PTPN22: variants seen among roughly 807,000 people sequenced by gnomAD.
The protein encoded by PTPN22 is tyrosine-protein phosphatase non-receptor type 22.
A neutral mutation model predicts 103.3 loss-of-function variants in PTPN22; 85 were observed. The ratio of observed to expected loss-of-function variants is 0.82; its 90% CI spans 0.69 to 0.99. The LOEUF (loss-of-function observed/expected upper bound fraction) is 0.99. PTPN22 is among the 50% of genes least tolerant of loss of function. The pLI is 0.00. For missense variants in PTPN22, 865 were observed against 936.9 expected (o/e 0.92, Z 1.00); for synonymous variants, 323 against 310.2 (o/e 1.04, Z -0.43).
intron 18 of PTPN22, among the ~76,000 whole-genome samples, chr1:113,828,804 T>G (rs963439553): frequency 2.0e-5 from 3 of 151,922 alleles, no homozygotes; most frequent in Admixed American, 6.6e-5. Context: ...CCCGGCTAAT[T>G]TTTTGTATTT....
intron 16 of PTPN22, 65 bp from the exon 17 acceptor site, chr1:113,830,094 C>T: frequency 9.0e-7 from 1 of 1,114,054 alleles, no homozygotes; most frequent in Middle Eastern, 2.0e-4. Context: ...AGTCAACACC[C>T]TTTTCTCTTT....
intron 11 of PTPN22, among the ~76,000 whole-genome samples, chr1:113,840,069 G>C (rs370193066): frequency 2.7e-4 from 41 of 151,872 alleles, no homozygotes; most frequent in Admixed American, 1.6e-3. Flanking sequence ...AAAATTAGCC[G>C]GGCATGTGGT....
chr1:113,824,378 G>T (rs1477871812), intron 19 of PTPN22, among the ~76,000 whole-genome samples: 1 of 151,978 alleles, frequency 6.6e-6, no homozygotes, highest in Non-Finnish European at 1.5e-5. Flanking sequence ...GGGATTATAG[G>T]CATGAGCCAC....
At chr1:113,826,659 ATTTTTTTTTTTTTT>A (rs10563752) in intron 18 of PTPN22, among the ~76,000 whole-genome samples, 4 of 63,098 alleles carry the variant, frequency 6.3e-5, no homozygotes, top group African/African-American at 2.7e-4. Context: ...GGAGTCTCTA[ATTTTTTTTTTTTTT>A]TTTTTTTTTT....
chr1:113,862,809 CAGA>C (rs1406447671), intron 1 of PTPN22, among the ~76,000 whole-genome samples: 3 of 152,124 alleles, frequency 2.0e-5, no homozygotes, highest in African/African-American at 2.4e-5. Context: ...TCCATCAGGA[CAGA>C]AGAAGTACAA....
intron 10 of PTPN22, 49 bp from the exon 11 acceptor site, chr1:113,848,675 T>C (rs753445476): frequency 6.4e-7 from 1 of 1,563,194 alleles, no homozygotes; most frequent in Non-Finnish European, 8.7e-7. Context: ...ACAAAAAAAT[T>C]GGTGAACGAC....
At chr1:113,814,647 G>A (rs1013182690) in exon 21 of PTPN22, 11 of 346,394 alleles carry the variant, frequency 3.2e-5, no homozygotes, top group African/African-American at 2.1e-4. Context: ...CATTCTAAAA[G>A]TGTTTCTCAT....
At chr1:113,829,690 T>G in exon 18 of PTPN22, 1 of 1,592,250 alleles carries the variant, frequency 6.3e-7, no homozygotes, top group Non-Finnish European at 8.5e-7. Context: ...TATGTTTCTA[T>G]AGATTGGGCC....
intron 1 of PTPN22, 62 bp downstream of exon 1, chr1:113,871,475 A>AC: frequency 7.3e-7 from 1 of 1,367,576 alleles, no homozygotes. Flanking sequence ...GGAAAATTGG[A>AC]CCCCCATAGT....
intron 7 of PTPN22, among the ~76,000 whole-genome samples, chr1:113,856,137 C>T (rs545473367): frequency 1.1e-4 from 16 of 152,300 alleles, no homozygotes; most frequent in African/African-American, 3.8e-4. Flanking sequence ...GCCTAAGCCT[C>T]TTGACTAGCT....
intron 16 of PTPN22, 50 bp downstream of exon 16, chr1:113,833,061 T>G (rs749982126): frequency 1.8e-5 from 27 of 1,506,196 alleles, no homozygotes; most frequent in Admixed American, 7.1e-5. Context: ...AACGAACCAT[T>G]CTTCCAATCT....
intron 11 of PTPN22, among the ~76,000 whole-genome samples, chr1:113,840,362 T>C (rs1383020155): frequency 6.6e-6 from 1 of 151,808 alleles, no homozygotes; most frequent in African/African-American, 2.4e-5. Context: ...AATGAACACA[T>C]AAAACGAGTT....
chr1:113,823,084 T>C (rs1189346128), intron 19 of PTPN22: 1 of 152,250 alleles, frequency 6.6e-6, no homozygotes, highest in Admixed American at 6.5e-5. Context: ...TATTTGTGAA[T>C]ATGGTCAACC....
intron 1 of PTPN22, among the ~76,000 whole-genome samples, chr1:113,859,960 T>TG (rs1665420681): frequency 8.1e-5 from 1 of 12,398 alleles, no homozygotes; most frequent in Non-Finnish European, 2.2e-4. Flanking sequence ...AAGCAGTCAC[T>TG]TTTTTTTTTT....
rs758584997 is a variant in PTPN22, at chr1:113,859,591, C to T, written c.88-131G>A. ...TTTTATTATCTTCTGGTTCTGACTC[C>T]GTTCAGGACAGAGCTGCAGAGCATA... On this transcript the variant is annotated intron_variant, in intron 1 of 20. Transcript: ENST00000359785. 3.1e-4 allele frequency: 220 copies of T among 711,294 alleles called. 1 individual carries two copies. Among genetic ancestry groups the T allele is most frequent in the Non-Finnish European group, 1.9e-4 (82 of 427,598 alleles). The allele number at this position is 711,294 out of a possible 1,614,324, so 44.1% of individuals were successfully genotyped here.
chr1:113,825,050 T>A, intron 19 of PTPN22, 92 bp downstream of exon 19: 1 of 910,662 alleles, frequency 1.1e-6, no homozygotes, highest in Non-Finnish European at 1.7e-6. Flanking sequence ...TTAGGAATAA[T>A]ATTGTTAATC....
At chr1:113,851,643 A>G (rs747509622) in intron 10 of PTPN22, among the ~76,000 whole-genome samples, 1 of 152,196 alleles carries the variant, frequency 6.6e-6, no homozygotes, top group Non-Finnish European at 1.5e-5. Context: ...GAAATTACAA[A>G]TCCCTGATTT....
intron 18 of PTPN22, among the ~76,000 whole-genome samples, chr1:113,826,533 T>C (rs1163643609): frequency 6.6e-6 from 1 of 152,094 alleles, no homozygotes; most frequent in African/African-American, 2.4e-5. Flanking sequence ...AATATATCCA[T>C]GATACACAGC....
At chr1:113,837,469 AAG>A (rs554129329) in intron 13 of PTPN22, 119 bp downstream of exon 13, 24 of 755,104 alleles carry the variant, frequency 3.2e-5, no homozygotes, top group Non-Finnish European at 4.9e-5. Flanking sequence ...AAAGAAAAAA[AAG>A]AGAAAAAAGA....
Sources: gnomAD v4.1 joint callset for allele counts (sites outside exome capture counted in the v4.1 genomes callset) on GRCh38, gnomAD v4.1.1 for gene constraint, MANE v1.5 for transcripts, NCBI Gene and HGNC (gene_info 2026-07-23, HGNC 2026-07-21) for gene names.